The following CDH13 variants were observed in gnomAD, a reference collection of about 807,000 sequenced individuals.
The protein encoded by CDH13 is cadherin 13, also known as cadherin-13.
A neutral mutation model predicts 63.8 loss-of-function variants in CDH13; 24 were observed. That is an observed-to-expected ratio of 0.38 (90% CI 0.27 to 0.53). The LOEUF (loss-of-function observed/expected upper bound fraction) is 0.53, where lower values mean the gene tolerates loss of function less well. CDH13 is among the 20% of genes least tolerant of loss of function. The probability of loss-of-function intolerance (pLI) is 0.85; values close to 1 mark genes in which losing one functional copy is unlikely to be tolerated. For synonymous variants in CDH13, 503 were observed against 355.3 expected, an observed-to-expected ratio of 1.42 and a Z score of -4.67; for missense variants, 1,049 against 903.1, an observed-to-expected ratio of 1.16 and a Z score of -2.07.
chr16:82,884,091 C>T (rs2040800351), intron 2 of CDH13: 1 of 441,064 alleles, frequency 2.3e-6, no homozygotes, highest in Non-Finnish European at 4.5e-6. Flanking sequence ...TGTAGATGTT[C>T]ATTAGGTGAA....
chr16:82,778,269 C>T (rs898516817), intron 1 of CDH13, among the ~76,000 whole-genome samples: 8 of 152,116 alleles, frequency 5.3e-5, no homozygotes, highest in African/African-American at 1.4e-4. Context: ...GTGATAAGGA[C>T]GTTCCAGTTT....
At chr16:83,533,481 G>C (rs533127984) in intron 7 of CDH13, among the ~76,000 whole-genome samples, 45 of 152,314 alleles carry the variant, frequency 3.0e-4, no homozygotes, top group African/African-American at 1.0e-3. Context: ...TGTAGGTAGA[G>C]TTGGCAGGTT....
chr16:83,075,169 C>T (rs145332452), intron 3 of CDH13, among the ~76,000 whole-genome samples: 47 of 152,306 alleles, frequency 3.1e-4, no homozygotes, highest in African/African-American at 9.1e-4. Flanking sequence ...GAAGTCTTTC[C>T]ATGAATGCAC....
intron 3 of CDH13, among the ~76,000 whole-genome samples, chr16:83,115,583 C>G (rs772924438): frequency 6.6e-6 from 1 of 152,354 alleles, no homozygotes; most frequent in African/African-American, 2.4e-5. Flanking sequence ...GGAAGCAAAT[C>G]CAGTCTTCTT....
chr16:83,666,904 A>G (rs911636086), intron 8 of CDH13, among the ~76,000 whole-genome samples: 1 of 152,104 alleles, frequency 6.6e-6, no homozygotes, highest in African/African-American at 2.4e-5. Context: ...GTTGTTATAC[A>G]TTTCTTTCCC....
At chr16:82,705,187 A>G (rs528467583) in intron 1 of CDH13, 36 of 455,886 alleles carry the variant, frequency 7.9e-5, no homozygotes, top group African/African-American at 6.4e-4. Context: ...TGCTTCCAGG[A>G]CTATTATTTC....
intron 7 of CDH13, among the ~76,000 whole-genome samples, chr16:83,602,092 AAAAAAGAACAACAAC>A (rs1907860655): frequency 3.7e-5 from 3 of 80,932 alleles, no homozygotes; most frequent in Non-Finnish European, 7.4e-5. Context: ...CAAAAAAAAA[AAAAAAGAACAACAAC>A]AAAAAAAAAA....
chr16:83,059,813 T>TTTTG (rs2031352553), intron 3 of CDH13, among the ~76,000 whole-genome samples: 1 of 135,738 alleles, frequency 7.4e-6, no homozygotes, highest in African/African-American at 2.8e-5. Context: ...TTTTTTTTTT[T>TTTTG]AGAAGGAGTC....
At chr16:83,745,027 T>C (rs1221887442) in intron 10 of CDH13, among the ~76,000 whole-genome samples, 1 of 152,136 alleles carries the variant, frequency 6.6e-6, no homozygotes, top group East Asian at 1.9e-4. Flanking sequence ...TCTCTAGGCC[T>C]CTCAGTTCCT....
chr16:83,522,639 G>A (rs1165292163), intron 7 of CDH13, among the ~76,000 whole-genome samples: 1 of 152,178 alleles, frequency 6.6e-6, no homozygotes, highest in African/African-American at 2.4e-5. Flanking sequence ...CGAGCGCAGT[G>A]GGTTCTTAAA....
At chr16:83,023,277 C>G (rs1425955868) in intron 2 of CDH13, among the ~76,000 whole-genome samples, 3 of 151,522 alleles carry the variant, frequency 2.0e-5, no homozygotes, top group Non-Finnish European at 2.9e-5. Flanking sequence ...TTTGCAATTT[C>G]CCCCAGGTGG....
intron 2 of CDH13, among the ~76,000 whole-genome samples, chr16:82,868,819 C>T (rs746693724): frequency 2.0e-5 from 3 of 152,152 alleles, no homozygotes; most frequent in East Asian, 1.9e-4. Context: ...GGTAGTGTTG[C>T]GTCTTCAGAG....
At chr16:82,675,392 C>G (rs962584169) in intron 1 of CDH13, among the ~76,000 whole-genome samples, 1 of 152,034 alleles carries the variant, frequency 6.6e-6, no homozygotes, top group Non-Finnish European at 1.5e-5. Context: ...AATGGAATGT[C>G]AAACTGATGG....
chr16:82,983,050 A>C (rs1910488401), intron 2 of CDH13, among the ~76,000 whole-genome samples: 1 of 152,138 alleles, frequency 6.6e-6, no homozygotes. Context: ...GAAGCCCATG[A>C]CAGTATTTGG....
intron 2 of CDH13, among the ~76,000 whole-genome samples, chr16:82,976,390 G>A (rs533077793): frequency 1.3e-5 from 2 of 152,262 alleles, no homozygotes; most frequent in East Asian, 3.9e-4. Flanking sequence ...AACTGTAACG[G>A]TGGATTCCTA....
chr16:82,974,347 T>C (rs1462403151), intron 2 of CDH13, among the ~76,000 whole-genome samples: 2 of 152,154 alleles, frequency 1.3e-5, no homozygotes, highest in Non-Finnish European at 1.5e-5. Flanking sequence ...TTCCATTGTC[T>C]CCATGTAGAA....
intron 5 of CDH13, among the ~76,000 whole-genome samples, chr16:83,254,433 G>A (rs1241939985): frequency 2.0e-5 from 3 of 152,112 alleles, no homozygotes; most frequent in African/African-American, 2.4e-5. Context: ...ATCACCATGA[G>A]CAAAATGGAT....
chr16:83,288,144 A>G (rs979274667), intron 5 of CDH13, among the ~76,000 whole-genome samples: 1 of 152,174 alleles, frequency 6.6e-6, no homozygotes, highest in Non-Finnish European at 1.5e-5. Context: ...AAAATAGTAC[A>G]TATCTTGATT....
intron 2 of CDH13, among the ~76,000 whole-genome samples, chr16:83,020,065 T>C (rs1313070106): frequency 6.6e-6 from 1 of 152,182 alleles, no homozygotes; most frequent in Non-Finnish European, 1.5e-5. Context: ...AATAGGACTT[T>C]TTCAGCTCCG....
Sources: allele counts gnomAD v4.1 joint callset (sites outside exome capture counted in the v4.1 genomes callset), GRCh38; gene constraint gnomAD v4.1.1; transcripts MANE v1.5; gene names NCBI Gene and HGNC (gene_info 2026-07-23, HGNC 2026-07-21).